The following RPA1 variants were observed in gnomAD, a reference collection of about 807,000 sequenced individuals.
RPA1 encodes the protein replication protein A 70 kDa DNA-binding subunit.
In RPA1, 49 loss-of-function variants were observed where a neutral mutation model predicts 83.0. That is an observed-to-expected ratio of 0.59 (90% CI 0.47 to 0.75). The LOEUF (loss-of-function observed/expected upper bound fraction) is 0.75. Among genes scored for constraint, RPA1 ranks in the 30% least tolerant of loss-of-function variants. The pLI is 0.00. For missense variants in RPA1, 693 were observed against 776.1 expected, an observed-to-expected ratio of 0.89 and a Z score of 1.27; for synonymous variants, 279 against 281.8, an observed-to-expected ratio of 0.99 and a Z score of 0.10.
At position 1,854,608 on chromosome 17, in the gene RPA1, G is replaced by A. The variant is rs1470126917; in HGVS notation, c.361+1419G>A. On this transcript the variant is annotated intron_variant, in intron 5 of 16. Coordinates refer to ENST00000254719, the MANE Select transcript of RPA1 (RefSeq NM_002945.5). ...AGTCTCAGCTACTTGGGAGGATGAG[G>A]TGGGGGGATTACTTGAGCCTGGGAG... Among the ~76,000 whole-genome samples the A allele has an allele frequency of 2.6e-5, 4 of 152,124 alleles. No individual in the cohort carries two copies. The South Asian group carries it at 8.3e-4, about 32-fold the overall frequency.
chr17:1,859,908 G>A (rs2151278452), intron 5 of RPA1, among the ~76,000 whole-genome samples: 1 of 152,360 alleles, frequency 6.6e-6, no homozygotes, highest in Non-Finnish European at 1.5e-5. Flanking sequence ...CGCCTCCCAG[G>A]TTCAAGCGAT....
intron 12 of RPA1, among the ~76,000 whole-genome samples, chr17:1,882,980 G>T (rs2151288656): frequency 1.3e-5 from 2 of 152,162 alleles, no homozygotes; most frequent in South Asian, 4.2e-4. Context: ...CACCACTGGG[G>T]GGCATCAAAG....
At chr17:1,866,260 T>A (rs934549309) in intron 5 of RPA1, among the ~76,000 whole-genome samples, 2 of 151,764 alleles carry the variant, frequency 1.3e-5, no homozygotes, top group Admixed American at 1.3e-4. Context: ...ACAAAAAAAT[T>A]TTTTTTTGGC....
Position 1,844,642 on chromosome 17 carries a change from A to AC in RPA1, c.228_229insC (p.Cys77LeufsTer30). 6.2e-7 allele frequency: 1 copy of AC among 1,613,892 alleles called. No homozygotes were observed. Among genetic ancestry groups the AC allele is most frequent in the East Asian group, 2.2e-5 (1 of 44,880 alleles). On this transcript the variant is annotated frameshift_variant, in exon 4 of 17. Coordinates refer to ENST00000254719, the MANE Select transcript of RPA1 (RefSeq NM_002945.5). LOFTEE classifies it high-confidence loss of function. ...AAGAACAATTGTCCAGCAACTGTGTATGCCAGATTCACAGATTTATTGTGA... is the reference window on the plus strand; with the variant it reads ...AAGAACAATTGTCCAGCAACTGTGTACTGCCAGATTCACAGATTTATTGTGA...
chr17:1,844,187 A>G (rs1163664159), intron 3 of RPA1, among the ~76,000 whole-genome samples, 189 bp downstream of exon 3: 1 of 152,178 alleles, frequency 6.6e-6, no homozygotes, highest in African/African-American at 2.4e-5. Context: ...GAAAGCTGCC[A>G]CTTGGCTTAA....
intron 5 of RPA1, among the ~76,000 whole-genome samples, chr17:1,853,658 G>C (rs571315870): frequency 6.6e-6 from 1 of 152,264 alleles, no homozygotes; most frequent in East Asian, 1.9e-4. Flanking sequence ...ACTCCAGCCT[G>C]GGCAACAGAG....
intron 5 of RPA1, among the ~76,000 whole-genome samples, chr17:1,871,019 C>G (rs1399404331): frequency 1.3e-5 from 2 of 152,182 alleles, no homozygotes; most frequent in Non-Finnish European, 2.9e-5. Context: ...TCCTGAGCAA[C>G]TCATCTTTTT....
chr17:1,888,850 C>A lies in RPA1; in HGVS notation c.1550C>A (p.Ser517Ter), dbSNP rs1267596867. 1.2e-6 allele frequency: 2 copies of A among 1,611,960 alleles called. No homozygotes were observed. The highest frequency in any genetic ancestry group is 1.7e-6 in the Non-Finnish European group (2 of 1,178,170). ...FPNFKYRMIL[S>*]VNIADFQENQ... ...AATTTCAAGTACCGCATGATCCTGTCAGTAAGTAGCCTCGGTAGATGAGAA... is the reference window on the plus strand; with the variant it reads ...AATTTCAAGTACCGCATGATCCTGTAAGTAAGTAGCCTCGGTAGATGAGAA... The change falls in exon 14 of 17, where the codon TCA (serine) becomes TAA (stop). Residue 517 changes from serine to a stop codon, truncating the protein, a stop_gained and splice_region_variant. Transcript: ENST00000254719. LOFTEE classifies it high-confidence loss of function.
intron 5 of RPA1, chr17:1,858,024 G>A: frequency 1.9e-6 from 3 of 1,608,374 alleles, no homozygotes. Context: ...AGATGATGCT[G>A]GGAGCCTCCT....
In RPA1 at chr17:1,893,345, T is replaced by G. The variant is rs17339215; in HGVS notation, c.1659+1405T>G. Among the ~76,000 whole-genome samples, 1,252 of 152,234 alleles carry G rather than the reference T, an allele frequency of 8.2e-3. 20 individuals carry two copies. The highest frequency in any genetic ancestry group is 0.029 in the African/African-American group (1,193 of 41,532). On this transcript the variant is annotated intron_variant, in intron 15 of 16. Transcript: ENST00000254719. The stretch of plus-strand genomic sequence containing the variant: ...CCCGAGGAACCGTGAGATCCTGGAG[T>G]TCGCACTCCACGCCCCTCATCTTGG...
At chr17:1,879,156 A>G (rs1913677548) in intron 9 of RPA1, 59 bp from the exon 10 acceptor site, 3 of 1,608,720 alleles carry the variant, frequency 1.9e-6, no homozygotes, top group Admixed American at 3.3e-5. Context: ...GTGGCAGACT[A>G]GGGGTTTCTG....
intron 5 of RPA1, among the ~76,000 whole-genome samples, chr17:1,859,464 A>G (rs1025182971): frequency 6.6e-6 from 1 of 152,136 alleles, no homozygotes; most frequent in African/African-American, 2.4e-5. Flanking sequence ...TTTTTGCTTC[A>G]TGTATTTCAA....
intron 5 of RPA1, among the ~76,000 whole-genome samples, chr17:1,863,299 C>T (rs944299628): frequency 1.3e-5 from 2 of 151,528 alleles, no homozygotes; most frequent in Non-Finnish European, 1.5e-5. Context: ...GCAACCTCCA[C>T]CTCCCGGGCT....
In RPA1 at chr17:1,849,289, C is replaced by CTTTTTTT. The variant is rs61062085; in HGVS notation, c.273-3797_273-3791dup. Among the ~76,000 whole-genome samples, 168 of 116,308 alleles carry CTTTTTTT rather than the reference C, an allele frequency of 1.4e-3. 4 individuals carry two copies. Among genetic ancestry groups the CTTTTTTT allele is most frequent in the African/African-American group, 4.1e-3 (118 of 29,084 alleles). The allele number at this position is 116,308 out of a possible 152,430, so 76.3% of individuals were successfully genotyped here. A position where few individuals can be genotyped will look rare whatever the true frequency, so the allele number is the denominator to read the frequency against. On this transcript the variant is annotated intron_variant, in intron 4 of 16. Transcript: ENST00000254719. ...TCCCTCCAAATTTTTGTTGGCTGTT[C>CTTTTTTT]TTTTTTTTTTTTTTTTTTTTTGAGA...
chr17:1,894,404 T>C (rs1914318430), intron 15 of RPA1, among the ~76,000 whole-genome samples: 2 of 152,160 alleles, frequency 1.3e-5, no homozygotes, highest in South Asian at 4.1e-4. Context: ...CAACCTCAAG[T>C]GATCCACCCG....
intron 1 of RPA1, among the ~76,000 whole-genome samples, chr17:1,831,898 C>CTTTT (rs138268342): frequency 2.6e-5 from 1 of 37,838 alleles, no homozygotes; most frequent in Non-Finnish European, 5.3e-5. Flanking sequence ...TGTGCCCGGC[C>CTTTT]TTTTTTTTTT....
chr17:1,882,302 C>T (rs1839465172), intron 12 of RPA1, among the ~76,000 whole-genome samples: 1 of 152,080 alleles, frequency 6.6e-6, no homozygotes, highest in Non-Finnish European at 1.5e-5. Context: ...AGTAAAATTT[C>T]ACTAAGAAGG....
chr17:1,839,453 A>G (rs1190735171), intron 1 of RPA1, among the ~76,000 whole-genome samples: 1 of 151,428 alleles, frequency 6.6e-6, no homozygotes, highest in Non-Finnish European at 1.5e-5. Context: ...AGCCTCCTGA[A>G]TAGCTGGGAT....
At chr17:1,875,923 T>A in intron 7 of RPA1, 130 bp downstream of exon 7, 34 of 149,162 alleles carry the variant, frequency 2.3e-4, no homozygotes, top group Non-Finnish European at 4.0e-4. Flanking sequence ...GGGTTTACTC[T>A]TTTTTTTTTT....
Sources: allele counts gnomAD v4.1 joint callset (sites outside exome capture counted in the v4.1 genomes callset), GRCh38; gene constraint gnomAD v4.1.1; transcripts MANE v1.5; gene names NCBI Gene and HGNC (gene_info 2026-07-23, HGNC 2026-07-21).